PLCB1: variants seen among roughly 807,000 people sequenced by gnomAD.
PLCB1 encodes the protein phospholipase C beta 1.
In PLCB1, 46 loss-of-function variants were observed where a neutral mutation model predicts 161.8. The ratio of observed to expected loss-of-function variants is 0.28; its 90% confidence interval spans 0.22 to 0.36. The LOEUF is 0.36. PLCB1 is among the 10% of genes least tolerant of loss of function. The pLI, the probability that PLCB1 is intolerant of heterozygous loss-of-function variation, is 1.00. For missense variants in PLCB1, 1,016 were observed against 1,472.5 expected (o/e 0.69, Z 5.07); for synonymous variants, 517 against 503.7 (o/e 1.03, Z -0.35).
At chr20:8,214,243 C>G (rs571461854) in intron 2 of PLCB1, among the ~76,000 whole-genome samples, 1 of 152,122 alleles carries the variant, frequency 6.6e-6, no homozygotes, top group South Asian at 2.1e-4. Flanking sequence ...AACTGTAATC[C>G]CCAGTATTGG....
At chr20:8,798,368 C>T (rs569744671) in intron 31 of PLCB1, among the ~76,000 whole-genome samples, 1 of 152,238 alleles carries the variant, frequency 6.6e-6, no homozygotes, top group Admixed American at 6.5e-5. Flanking sequence ...ACTAGAAAAA[C>T]AGAGCCAGTA....
intron 2 of PLCB1, among the ~76,000 whole-genome samples, chr20:8,176,703 G>A (rs977505327): frequency 6.6e-6 from 1 of 152,096 alleles, no homozygotes; most frequent in Non-Finnish European, 1.5e-5. Context: ...TCAATGTCCT[G>A]GTTGTGATAT....
intron 2 of PLCB1, among the ~76,000 whole-genome samples, chr20:8,301,449 T>C (rs765276080): frequency 6.6e-6 from 1 of 152,156 alleles, no homozygotes; most frequent in African/African-American, 2.4e-5. Flanking sequence ...ATTAGTACAA[T>C]TGAATACAAT....
intron 2 of PLCB1, among the ~76,000 whole-genome samples, chr20:8,205,740 A>T (rs959058943): frequency 1.3e-5 from 2 of 152,164 alleles, no homozygotes; most frequent in Admixed American, 6.5e-5. Context: ...ATACATTCTG[A>T]ATTATTTACA....
At chr20:8,874,252 ACACG>A (rs766857998) in intron 31 of PLCB1, among the ~76,000 whole-genome samples, 2,824 of 75,354 alleles carry the variant, frequency 0.037, 66 homozygotes, top group South Asian at 0.1. Flanking sequence ...ACACACACAC[ACACG>A]CACAACAGAT....
intron 2 of PLCB1, among the ~76,000 whole-genome samples, chr20:8,304,446 A>G (rs1310982462): frequency 6.6e-6 from 1 of 151,860 alleles, no homozygotes; most frequent in East Asian, 2.0e-4. Context: ...AAATTGAGCA[A>G]AAACGAATCC....
In PLCB1 at chr20:8,510,527, A is replaced by G. The variant is rs527588297; in HGVS notation, c.247-117767A>G. 6.6e-5 allele frequency among the ~76,000 whole-genome samples: 10 copies of G among 151,970 alleles called. No homozygotes were observed. In the East Asian group the frequency reaches 1.7e-3, roughly 26 times the overall value. On this transcript the variant is annotated intron_variant, in intron 3 of 31. Transcript: ENST00000338037. The stretch of plus-strand genomic sequence containing the variant: ...CAGCCTCCCAAGAAGCAGGGATTAC[A>G]GGCATGGGCCACCACGCCCAGCTAA...
intron 27 of PLCB1, among the ~76,000 whole-genome samples, chr20:8,776,297 G>A (rs1236315251): frequency 2.6e-5 from 4 of 152,154 alleles, no homozygotes; most frequent in South Asian, 2.1e-4. Flanking sequence ...CTTTCCCAAG[G>A]ATCCACAACT....
intron 24 of PLCB1, 81 bp from the exon 25 acceptor site, chr20:8,760,326 C>T (rs1981953096): frequency 1.3e-6 from 1 of 782,842 alleles, no homozygotes; most frequent in Non-Finnish European, 2.1e-6. Context: ...AGATTCAAGG[C>T]CCAAATATGT....
chr20:8,728,006 C>T (rs1211688083), intron 17 of PLCB1, among the ~76,000 whole-genome samples: 1 of 152,000 alleles, frequency 6.6e-6, no homozygotes, highest in Non-Finnish European at 1.5e-5. Flanking sequence ...TCACAAAGTG[C>T]TCAATTTCAT....
At chr20:8,737,900 T>C (rs6056050) in intron 20 of PLCB1, among the ~76,000 whole-genome samples, 90,608 of 152,134 alleles carry the variant, frequency 0.6, 27,995 homozygotes, top group East Asian at 0.68. Context: ...TACTATACTG[T>C]TTACTTCTTA....
chr20:8,270,392 GAGTT>G (rs1271916320), intron 2 of PLCB1, among the ~76,000 whole-genome samples: 5 of 152,130 alleles, frequency 3.3e-5, no homozygotes, highest in Admixed American at 6.6e-5. Flanking sequence ...GAAAGGAAAA[GAGTT>G]AGCTGACTTA....
chr20:8,398,812 T>C (rs546738411), intron 3 of PLCB1, among the ~76,000 whole-genome samples: 1 of 152,122 alleles, frequency 6.6e-6, no homozygotes, highest in South Asian at 2.1e-4. Context: ...CTCCCCTTGG[T>C]TTTTTTGAGC....
chr20:8,384,525 A>G (rs1256098568), intron 3 of PLCB1, among the ~76,000 whole-genome samples: 1 of 152,008 alleles, frequency 6.6e-6, no homozygotes, highest in Non-Finnish European at 1.5e-5. Context: ...TACTTCTGTC[A>G]GTTCGTCCAT....
intron 31 of PLCB1, among the ~76,000 whole-genome samples, chr20:8,875,256 G>A (rs1222592290): frequency 2.0e-5 from 3 of 150,110 alleles, no homozygotes; most frequent in Non-Finnish European, 3.0e-5. Flanking sequence ...GCTTAAAAAG[G>A]TCTCTGTACC....
intron 3 of PLCB1, among the ~76,000 whole-genome samples, chr20:8,599,160 T>C (rs879558945): frequency 0.025 from 2,373 of 95,068 alleles, no homozygotes; most frequent in South Asian, 0.039. Context: ...AGCTCGTTAT[T>C]TTGCTCGTTA....
At chr20:8,723,847 G>A (rs936418001) in intron 15 of PLCB1, among the ~76,000 whole-genome samples, 1 of 152,032 alleles carries the variant, frequency 6.6e-6, no homozygotes, top group Non-Finnish European at 1.5e-5. Flanking sequence ...CACATCAGGA[G>A]CCAAGAAGGG....
chr20:8,251,827 G>A (rs1342946492), intron 2 of PLCB1, among the ~76,000 whole-genome samples: 2 of 151,908 alleles, frequency 1.3e-5, no homozygotes, highest in Non-Finnish European at 2.9e-5. Context: ...AGTTTGTGGT[G>A]ACATCACTGG....
At chr20:8,476,238 T>G (rs1452103712) in intron 3 of PLCB1, among the ~76,000 whole-genome samples, 1 of 152,124 alleles carries the variant, frequency 6.6e-6, no homozygotes, top group Non-Finnish European at 1.5e-5. Flanking sequence ...GTAAAAGTGT[T>G]GCAATGGATT....
Sources: gnomAD v4.1 joint callset for allele counts (sites outside exome capture counted in the v4.1 genomes callset) on GRCh38, gnomAD v4.1.1 for gene constraint, MANE v1.5 for transcripts, NCBI Gene and HGNC (gene_info 2026-07-23, HGNC 2026-07-21) for gene names.